The following MYO15A variants were observed in gnomAD, a reference collection of about 807,000 sequenced individuals.
MYO15A encodes unconventional myosin-XV.
In MYO15A, 308 loss-of-function variants were observed where a neutral mutation model predicts 394.6. That is an observed-to-expected ratio of 0.78 (90% CI 0.71 to 0.86). The LOEUF (loss-of-function observed/expected upper bound fraction) is 0.86, where lower values mean the gene tolerates loss of function less well. MYO15A is among the 40% of genes least tolerant of loss of function. MYO15A has a pLI of 0.00. For missense variants in MYO15A, 4,606 were observed against 4,799.1 expected (o/e 0.96, Z 1.19); for synonymous variants, 1,957 against 2,003.8 (o/e 0.98, Z 0.62).
rs748843326 is a variant in MYO15A at position 18,173,967 on chromosome 17, C to T, written c.10491+46C>T. Reference sequence around the variant, plus strand: ...AACATTCCACTCACTGGGCCCTTCTCTGGGCCTGGCTCCAAGATAGGTCAG... The same window carrying T: ...AACATTCCACTCACTGGGCCCTTCTTTGGGCCTGGCTCCAAGATAGGTCAG... On this transcript the variant is annotated intron_variant, in intron 65 of 65. Transcript: ENST00000647165. 14 of 1,593,020 alleles carry T rather than the reference C, an allele frequency of 8.8e-6. No individual in the cohort carries two copies. The African/African-American group carries it at 1.9e-4, about 21-fold the overall frequency.
rs1352876349 is a variant in MYO15A at position 18,121,024 on chromosome 17, C to T, written c.2224C>T (p.Arg742Ter). Residue 742 changes from arginine to a stop codon, truncating the protein, a stop_gained, in exon 2 of 66, where the codon CGA becomes TGA. Transcript: ENST00000647165. LOFTEE classifies it high-confidence loss of function. This position sits in a 1 kb window ranked among gnomAD's most constrained non-coding sequence, Gnocchi z 5.3. Reference protein sequence around the residue: ...PPDLLAFPGPRPSFRGSRRRG... With the variant: ...PPDLLAFPGP The stretch of plus-strand genomic sequence containing the variant: ...CGACCTACTAGCCTTCCCAGGGCCC[C>T]GACCCTCGTTCAGGGGCTCCCGCCG... The T allele has an allele frequency of 2.0e-6, 3 of 1,509,198 alleles. No homozygotes were observed. The highest frequency in any genetic ancestry group is 4.1e-5 in the Admixed American group (2 of 48,940). The allele number at this position is 1,509,198 out of a possible 1,614,324, so 93.5% of individuals were successfully genotyped here. A position where few individuals can be genotyped will look rare whatever the true frequency, so the allele number is the denominator to read the frequency against.
Position 18,122,161 on chromosome 17 carries a change from G to A in MYO15A, c.3361G>A (p.Val1121Met), listed in dbSNP as rs751475570. Residue 1121 changes from valine to methionine, a missense_variant, in exon 2 of 66, where the codon GTG becomes ATG. By Grantham distance (21) the Val-to-Met change is conservative. Transcript: ENST00000647165. ...GCGTTTTGCTGTGGTCATGCCTCGT[G>A]TGCAGAAGCTGAGCTCTTTCCAGCG... ...PGRFAVVMPR[V>M]QKLSSFQRVG... 6.2e-6 allele frequency: 10 copies of A among 1,612,984 alleles called. No homozygotes were observed. Among genetic ancestry groups the A allele is most frequent in the Non-Finnish European group, 7.6e-6 (9 of 1,180,028 alleles).
At chr17:18,124,948 C>T in intron 3 of MYO15A, 1 of 613,980 alleles carries the variant, frequency 1.6e-6, no homozygotes, top group South Asian at 1.9e-5. Flanking sequence ...CCCCAAACCC[C>T]CAATGAAGTA....
At chr17:18,149,163 G>A in intron 33 of MYO15A, 53 bp from the exon 34 acceptor site, 1 of 1,608,656 alleles carries the variant, frequency 6.2e-7, no homozygotes, top group Non-Finnish European at 8.5e-7. Flanking sequence ...AAAATTTGGG[G>A]GATTCTGGGA....
rs1177056736 is a variant in MYO15A, at chr17:18,141,781, C to T, written c.5649+11C>T. The T allele has an allele frequency of 2.5e-6, 4 of 1,613,390 alleles. No individual in the cohort carries two copies. The highest frequency in any genetic ancestry group is 3.4e-6 in the Non-Finnish European group (4 of 1,179,468). Reference sequence around the variant, plus strand: ...GTTGGGGTCAGCAAGGTGAGTCCTGCCCGACAGTCAGCCCTTGGAGACCCC... The same window carrying T: ...GTTGGGGTCAGCAAGGTGAGTCCTGTCCGACAGTCAGCCCTTGGAGACCCC... On this transcript the variant is annotated intron_variant, in intron 23 of 65. Coordinates refer to ENST00000647165, the MANE Select transcript of MYO15A (RefSeq NM_016239.4).
rs1448304244 is a variant in MYO15A at position 18,140,846 on chromosome 17, G to A, written c.5406+14G>A. On this transcript the variant is annotated intron_variant, in intron 21 of 65. Coordinates refer to ENST00000647165, the MANE Select transcript of MYO15A (RefSeq NM_016239.4). ...AACCACAAGAAGGTGAGTGAGAGCT[G>A]AGGCCTCTGAGAGAGCCAAATCCTC... The A allele has an allele frequency of 6.2e-7, 1 of 1,614,024 alleles. No individual in the cohort carries two copies. Among genetic ancestry groups the A allele is most frequent in the Non-Finnish European group, 8.5e-7 (1 of 1,180,048 alleles).
In MYO15A at chr17:18,121,592, T is replaced by C; in HGVS notation, c.2792T>C (p.Val931Ala). The C allele has an allele frequency of 6.3e-7, 1 of 1,598,854 alleles. No individual in the cohort carries two copies. The highest frequency in any genetic ancestry group is 8.5e-7 in the Non-Finnish European group (1 of 1,172,420). Reference protein sequence around the residue: ...TVPPLAPSWDVDMPPTQRPPS... With the variant: ...TVPPLAPSWDADMPPTQRPPS... Reference sequence around the variant, plus strand: ...CCCCCACTGGCCCCCAGCTGGGACGTGGACATGCCTCCCACCCAACGCCCA... The same window carrying C: ...CCCCCACTGGCCCCCAGCTGGGACGCGGACATGCCTCCCACCCAACGCCCA... Residue 931 changes from valine (V) to alanine (A), a missense_variant, in exon 2 of 66, where the codon GTG (valine) becomes GCG (alanine). Physicochemically the swap from Val to Ala is moderately conservative, Grantham distance 64 (BLOSUM62 0). This residue lies in a region of MYO15A where 1,830 missense variants were observed against 1,689.7 expected (regional missense o/e 1.08). Coordinates refer to ENST00000647165, the MANE Select transcript of MYO15A (RefSeq NM_016239.4). This position sits in a 1 kb window ranked among gnomAD's most constrained non-coding sequence, Gnocchi z 5.3.
intron 7 of MYO15A, 91 bp downstream of exon 7, chr17:18,127,256 C>T: frequency 1.4e-6 from 2 of 1,463,334 alleles, no homozygotes; most frequent in Non-Finnish European, 1.9e-6. Flanking sequence ...CTCCTTGGCC[C>T]ACCAGGAAGA....
chr17:18,135,285 C>G (rs1282406551), intron 12 of MYO15A, among the ~76,000 whole-genome samples: 1 of 152,260 alleles, frequency 6.6e-6, no homozygotes, highest in Non-Finnish European at 1.5e-5. Flanking sequence ...ATTCTCCTGC[C>G]TCAGCCTCCC....
Position 18,121,158 on chromosome 17 carries a change from CG to C in MYO15A, c.2360del (p.Gly787AlafsTer76). 1 of 1,515,168 alleles carries C rather than the reference CG, an allele frequency of 6.6e-7. No individual in the cohort carries two copies. The highest frequency in any genetic ancestry group is 8.8e-7 in the Non-Finnish European group (1 of 1,138,486). 93.9% of individuals were successfully genotyped at this position (1,515,168 alleles called of 1,614,324 possible). ...CCTCGCTGAGGAGCTCGCCGGGCCTCGGCTACTGCTCACCCTTGGCGCCCCC... is the reference window on the plus strand; with the variant it reads ...CCTCGCTGAGGAGCTCGCCGGGCCTCGCTACTGCTCACCCTTGGCGCCCCC... Reference protein sequence around the residue: ...QPSLRSSPGLGYCSPLAPPSP... With the variant: ...QPSLRSSPGLXYCSPLAPPSP... On this transcript the variant is annotated frameshift_variant, in exon 2 of 66. Transcript: ENST00000647165. LOFTEE classifies it high-confidence loss of function. This position sits in a 1 kb window ranked among gnomAD's most constrained non-coding sequence, Gnocchi z 5.3.
chr17:18,158,741 GGA>G (rs1373354997), intron 52 of MYO15A, 103 bp downstream of exon 52: 8 of 1,468,558 alleles, frequency 5.4e-6, no homozygotes, highest in East Asian at 2.3e-5. Context: ...ACTTCTGGTG[GGA>G]GAGATGAGAG....
rs1363277863 is a variant in MYO15A, at chr17:18,145,960, C to G, written c.6362C>G (p.Pro2121Arg). The G allele has an allele frequency of 6.2e-7, 1 of 1,613,802 alleles. No homozygotes were observed. The highest frequency in any genetic ancestry group is 8.5e-7 in the Non-Finnish European group (1 of 1,180,026). Reference protein sequence around the residue: ...NYIVQKGLAVPELRDEILAQL... With the variant: ...NYIVQKGLAVRELRDEILAQL... ...ATCGTGCAGAAGGGGCTGGCGGTGC[C>G]TGAGCTGCGGGATGAGATCCTGGCA... Residue 2121 changes from proline (P) to arginine (R), a missense_variant, in exon 30 of 66, where the codon CCT (proline) becomes CGT (arginine). Around this residue, in one of 2 missense-constraint regions of MYO15A, gnomAD observed 2,776 missense variants for 3,109.3 expected, o/e 0.89. Coordinates refer to ENST00000647165, the MANE Select transcript of MYO15A (RefSeq NM_016239.4).
At chr17:18,139,455 G>A (rs1385276720) in intron 18 of MYO15A, 79 bp from the exon 19 acceptor site, 27 of 1,450,178 alleles carry the variant, frequency 1.9e-5, no homozygotes, top group African/African-American at 2.8e-5. Context: ...GACCATAGAA[G>A]TGAGGAGGAT....
Position 18,121,777 on chromosome 17 carries a change from C to A in MYO15A, c.2977C>A (p.His993Asn). The A allele has an allele frequency of 6.2e-7, 1 of 1,610,664 alleles. No individual in the cohort carries two copies. ...TATGACCAGGGTCTTCCTGGGCAGA[C>A]ACCATGAGCCGGGGCCTGGACAGCT... ...ADMTRVFLGR[H>N]HEPGPGQLTK... The change falls in exon 2 of 66, where the codon CAC becomes AAC. Residue 993 changes from histidine to asparagine, a missense_variant. His to Asn is a moderately conservative substitution (Grantham distance 68). Around this residue, in one of 2 missense-constraint regions of MYO15A, gnomAD observed 1,830 missense variants for 1,689.7 expected, o/e 1.08. Transcript: ENST00000647165. This position sits in a 1 kb window ranked among gnomAD's most constrained non-coding sequence, Gnocchi z 5.3.
chr17:18,158,560 A>G lies in MYO15A; in HGVS notation c.9005A>G (p.Glu3002Gly). The G allele has an allele frequency of 6.2e-7, 1 of 1,614,062 alleles. No homozygotes were observed. The highest frequency in any genetic ancestry group is 1.3e-5 in the African/African-American group (1 of 75,020). The change falls in exon 52 of 66, where the codon GAG becomes GGG. Residue 3002 changes from glutamate (E) to glycine (G), a missense_variant. Glu to Gly is a moderately conservative substitution (Grantham distance 98). This residue lies in a region of MYO15A where 2,776 missense variants were observed against 3,109.3 expected (regional missense o/e 0.89). Coordinates refer to ENST00000647165, the MANE Select transcript of MYO15A (RefSeq NM_016239.4). ...PVRARSADHG[E>G]DALALPPYTM... ...AGGGCCCGCTCTGCTGACCATGGGGAGGACGCCCTGGCGCTCCCACCCTAC... is the reference window on the plus strand; with the variant it reads ...AGGGCCCGCTCTGCTGACCATGGGGGGGACGCCCTGGCGCTCCCACCCTAC...
chr17:18,136,317 A>G (rs2046269569), intron 13 of MYO15A, 100 bp from the exon 14 acceptor site: 3 of 1,429,858 alleles, frequency 2.1e-6, no homozygotes, highest in African/African-American at 2.8e-5. Flanking sequence ...ACATCCCTCC[A>G]GCCTCCCTTC....
intron 12 of MYO15A, among the ~76,000 whole-genome samples, chr17:18,134,562 A>G (rs536896175): frequency 6.6e-6 from 1 of 152,258 alleles, no homozygotes; most frequent in South Asian, 2.1e-4. Context: ...TGGTTACTCA[A>G]TTGTCCTAAT....
chr17:18,124,940 C>T (rs1430838645), intron 3 of MYO15A: 2 of 610,454 alleles, frequency 3.3e-6, no homozygotes. Context: ...AGAGTGTCCC[C>T]CAAACCCCCA....
At chr17:18,158,033 A>G in intron 51 of MYO15A, 133 bp downstream of exon 51, 2 of 1,278,560 alleles carry the variant, frequency 1.6e-6, no homozygotes, top group Non-Finnish European at 2.1e-6. Context: ...ATCTTGGACT[A>G]GTGTGAGGGT....
Sources: allele counts gnomAD v4.1 joint callset (sites outside exome capture counted in the v4.1 genomes callset), GRCh38; gene constraint gnomAD v4.1.1; regional missense constraint gnomAD v4.1.1; non-coding constraint Gnocchi (gnomAD v3.1); transcripts MANE v1.5; gene names NCBI Gene and HGNC (gene_info 2026-07-23, HGNC 2026-07-21).